TENM4: variants seen among roughly 807,000 people sequenced by gnomAD.
TENM4 encodes the protein teneurin-4.
Under a neutral mutation model 243.3 loss-of-function variants are expected in TENM4, and 82 were observed. The ratio of observed to expected loss-of-function variants is 0.34; its 90% confidence interval spans 0.28 to 0.40. The LOEUF (loss-of-function observed/expected upper bound fraction) is 0.40. TENM4 is among the 10% of genes least tolerant of loss of function. The pLI, the probability that TENM4 is intolerant of heterozygous loss-of-function variation, is 1.00. For synonymous variants in TENM4, 1,412 were observed against 1,456.3 expected (o/e 0.97, Z 0.69); for missense variants, 3,138 against 3,673.3 (o/e 0.85, Z 3.77).
At chr11:79,053,723 G>A (rs576767465) in intron 6 of TENM4, among the ~76,000 whole-genome samples, 1 of 152,136 alleles carries the variant, frequency 6.6e-6, no homozygotes, top group African/African-American at 2.4e-5. Flanking sequence ...TCATCCCTAA[G>A]GGCTCTTCCT....
intron 20 of TENM4, among the ~76,000 whole-genome samples, chr11:78,737,552 A>C (rs1412787841): frequency 6.6e-6 from 1 of 152,218 alleles, no homozygotes; most frequent in Non-Finnish European, 1.5e-5. Context: ...ACACAGAGTG[A>C]AAATCAACCT....
At chr11:79,092,730 T>G (rs1860990056) in intron 4 of TENM4, 1 of 152,202 alleles carries the variant, frequency 6.6e-6, no homozygotes, top group Non-Finnish European at 1.5e-5. Context: ...ACTGAACACC[T>G]ATTTTGTGCC....
Position 79,115,974 on chromosome 11 carries a change from C to T in TENM4, c.-66+32736G>A, listed in dbSNP as rs1230299055. On this transcript the variant is annotated intron_variant, in intron 4 of 33. Transcript: ENST00000278550. Reference sequence around the variant, plus strand: ...GCAGAATCTGGGGGAATTTTCTCTGCCTTGGAGTCAGGACAATAACTTGGC... The same window carrying T: ...GCAGAATCTGGGGGAATTTTCTCTGTCTTGGAGTCAGGACAATAACTTGGC... Among the ~76,000 whole-genome samples the T allele has an allele frequency of 2.6e-5, 4 of 152,322 alleles. No homozygotes were observed. In the East Asian group the frequency reaches 5.8e-4, roughly 22 times the overall value.
At chr11:79,321,024 A>T (rs1168384834) in intron 1 of TENM4, among the ~76,000 whole-genome samples, 1 of 152,212 alleles carries the variant, frequency 6.6e-6, no homozygotes, top group Non-Finnish European at 1.5e-5. Flanking sequence ...AAGGTAAGAG[A>T]TGTGCATTTA....
Position 78,834,005 on chromosome 11 carries a change from C to T in TENM4, c.1682-19610G>A, listed in dbSNP as rs371121203. Among the ~76,000 whole-genome samples the T allele has an allele frequency of 1.3e-3, 205 of 152,300 alleles. 1 individual carries two copies. In the South Asian group the frequency reaches 0.014, roughly 11 times the overall value. ...AAAAGTTAACTAGGTTGGCCACTTG[C>T]AATCCGTCAGCCCATGTCCCTCAGC... On this transcript the variant is annotated intron_variant, in intron 12 of 33. Transcript: ENST00000278550.
At chr11:79,292,967 C>G (rs1265989448) in intron 2 of TENM4, among the ~76,000 whole-genome samples, 1 of 152,186 alleles carries the variant, frequency 6.6e-6, no homozygotes, top group Non-Finnish European at 1.5e-5. Context: ...CTGTTAAAGG[C>G]TGAGACTCCC....
intron 6 of TENM4, among the ~76,000 whole-genome samples, chr11:79,027,522 C>T (rs937931179): frequency 1.3e-5 from 2 of 152,200 alleles, no homozygotes; most frequent in East Asian, 3.9e-4. Flanking sequence ...TGTCACTGTG[C>T]CAGAAACTGG....
At chr11:79,331,334 C>T (rs1398914492) in intron 1 of TENM4, among the ~76,000 whole-genome samples, 1 of 152,088 alleles carries the variant, frequency 6.6e-6, no homozygotes. Context: ...GACTCCACTC[C>T]CACTGCTCAC....
intron 2 of TENM4, among the ~76,000 whole-genome samples, chr11:79,259,788 T>G (rs1384458124): frequency 6.6e-6 from 1 of 152,222 alleles, no homozygotes. Context: ...ACTATGGCGC[T>G]AGGTACCAGC....
chr11:79,004,856 C>T (rs1858436629), intron 6 of TENM4, among the ~76,000 whole-genome samples: 2 of 140,474 alleles, frequency 1.4e-5, no homozygotes, highest in Admixed American at 1.5e-4. Context: ...GCTAGCTAGG[C>T]TAATAAAGAA....
chr11:79,130,417 G>A (rs1022142662), intron 4 of TENM4, among the ~76,000 whole-genome samples: 1 of 151,936 alleles, frequency 6.6e-6, no homozygotes, highest in Non-Finnish European at 1.5e-5. Flanking sequence ...AAGAAGTCAG[G>A]AGGTTAGTCA....
At chr11:79,044,913 G>GT (rs948571970) in intron 6 of TENM4, among the ~76,000 whole-genome samples, 1 of 152,038 alleles carries the variant, frequency 6.6e-6, no homozygotes, top group Non-Finnish European at 1.5e-5. Flanking sequence ...GCCCTGGGTT[G>GT]TTTTTTTAAA....
intron 24 of TENM4, 148 bp from the exon 25 acceptor site, chr11:78,720,538 G>A (rs1859623783): frequency 3.8e-6 from 3 of 789,940 alleles, no homozygotes; most frequent in South Asian, 1.6e-5. Context: ...TGACACTGAT[G>A]TATTTTATAT....
chr11:79,321,785 T>C (rs1188355332), intron 1 of TENM4, among the ~76,000 whole-genome samples: 1 of 152,008 alleles, frequency 6.6e-6, no homozygotes, highest in East Asian at 1.9e-4. Context: ...GCCATCCCTA[T>C]CTTAGCTAGT....
At chr11:79,329,263 C>T (rs536494155) in intron 1 of TENM4, among the ~76,000 whole-genome samples, 17 of 152,346 alleles carry the variant, frequency 1.1e-4, no homozygotes, top group African/African-American at 3.8e-4. Context: ...AGAAGAAGTT[C>T]TTCAGAGCAG....
intron 2 of TENM4, among the ~76,000 whole-genome samples, chr11:79,248,298 A>T (rs755045284): frequency 6.6e-6 from 1 of 152,208 alleles, no homozygotes; most frequent in Non-Finnish European, 1.5e-5. Context: ...GTTAGAAAAG[A>T]GGTCCTGCAA....
intron 9 of TENM4, among the ~76,000 whole-genome samples, chr11:78,882,427 C>T (rs1041911039): frequency 2.0e-5 from 3 of 152,192 alleles, no homozygotes; most frequent in Non-Finnish European, 4.4e-5. Flanking sequence ...TTTTGCAAGG[C>T]CTCTTATTCA....
chr11:79,252,542 A>T (rs1049510069), intron 2 of TENM4, among the ~76,000 whole-genome samples: 1 of 152,142 alleles, frequency 6.6e-6, no homozygotes, highest in African/African-American at 2.4e-5. Flanking sequence ...TGGCTGAAGC[A>T]GTTCTACTCT....
At chr11:78,918,524 GGCATGGA>G (rs1271036921) in intron 6 of TENM4, among the ~76,000 whole-genome samples, 8 of 151,344 alleles carry the variant, frequency 5.3e-5, no homozygotes, top group African/African-American at 1.7e-4. Context: ...TAATGCAGCC[GGCATGGA>G]ACCTTAATCA....
Sources: allele counts gnomAD v4.1 joint callset (sites outside exome capture counted in the v4.1 genomes callset), GRCh38; gene constraint gnomAD v4.1.1; transcripts MANE v1.5; gene names NCBI Gene and HGNC (gene_info 2026-07-23, HGNC 2026-07-21).